FOXP1: variants seen among roughly 807,000 people sequenced by gnomAD.
FOXP1 encodes the protein forkhead box P1, also known as forkhead box protein P1.
Under a neutral mutation model 98.2 loss-of-function variants are expected in FOXP1, and 15 were observed. That is an observed-to-expected ratio of 0.15 (90% CI 0.10 to 0.24). FOXP1 has a LOEUF of 0.24. FOXP1 is among the 10% of genes least tolerant of loss of function. The probability of loss-of-function intolerance (pLI) is 1.00; values close to 1 mark genes in which losing one functional copy is unlikely to be tolerated. For missense variants in FOXP1, 633 were observed against 848.5 expected, an observed-to-expected ratio of 0.75 and a Z score of 3.15; for synonymous variants, 371 against 314.5, an observed-to-expected ratio of 1.18 and a Z score of -1.90.
At chr3:71,278,057 G>A (rs2071100367) in intron 5 of FOXP1, among the ~76,000 whole-genome samples, 1 of 152,164 alleles carries the variant, frequency 6.6e-6, no homozygotes, top group African/African-American at 2.4e-5. Context: ...AACACACACA[G>A]GAAGGATGTG....
intron 5 of FOXP1, among the ~76,000 whole-genome samples, chr3:71,246,748 G>A (rs1340388128): frequency 6.6e-6 from 1 of 152,138 alleles, no homozygotes; most frequent in Non-Finnish European, 1.5e-5. Flanking sequence ...TCAAAGATAT[G>A]ATGGCCAGTT....
At chr3:70,959,963 A>AT (rs1449503464) in intron 20 of FOXP1, among the ~76,000 whole-genome samples, 1 of 152,180 alleles carries the variant, frequency 6.6e-6, no homozygotes, top group Non-Finnish European at 1.5e-5. Context: ...ATTACACGAA[A>AT]TAAGAATCTG....
At chr3:71,338,166 T>C (rs1002702256) in intron 4 of FOXP1, among the ~76,000 whole-genome samples, 3 of 152,120 alleles carry the variant, frequency 2.0e-5, no homozygotes, top group African/African-American at 7.2e-5. Flanking sequence ...TTCACACAGA[T>C]CAAAGTGAGA....
chr3:71,467,284 T>G (rs2088870757), intron 3 of FOXP1, among the ~76,000 whole-genome samples: 1 of 152,188 alleles, frequency 6.6e-6, no homozygotes. Flanking sequence ...GATGATAAAT[T>G]TCTTCCTTCT....
intron 13 of FOXP1, among the ~76,000 whole-genome samples, chr3:70,995,154 T>C (rs1431971973): frequency 1.3e-5 from 2 of 152,178 alleles, no homozygotes; most frequent in African/African-American, 4.8e-5. Flanking sequence ...GAAGAGTTCA[T>C]ATGAATGTCC....
At chr3:71,443,708 A>T (rs190640818) in intron 3 of FOXP1, among the ~76,000 whole-genome samples, 1 of 152,304 alleles carries the variant, frequency 6.6e-6, no homozygotes, top group Admixed American at 6.5e-5. Flanking sequence ...GATTTCTGAA[A>T]CTAAAGAAGG....
At chr3:71,451,131 A>G (rs2086911529) in intron 3 of FOXP1, among the ~76,000 whole-genome samples, 2 of 152,162 alleles carry the variant, frequency 1.3e-5, no homozygotes, top group South Asian at 4.1e-4. Context: ...TTACAGTTCA[A>G]TGAGTGGAGT....
chr3:71,506,935 G>C lies in FOXP1; in HGVS notation c.-297-13380C>G, dbSNP rs182289651. On this transcript the variant is annotated intron_variant, in intron 2 of 20. Transcript: ENST00000649528. ...AGTCCCTACCTCCAAGCATTGCTGA[G>C]ATTAAATTATCCAATTGGAGAGCAC... Among the ~76,000 whole-genome samples the C allele has an allele frequency of 1.7e-3, 257 of 152,304 alleles. 8 individuals carry two copies. The highest frequency in any genetic ancestry group is 0.014 in the Admixed American group (212 of 15,300).
Position 70,956,732 on chromosome 3 carries a change from G to GTTTTTTTTTTTT in FOXP1, c.*2503_*2514dup, listed in dbSNP as rs142956636. On this transcript the variant is annotated 3_prime_UTR_variant, in exon 21 of 21. Transcript: ENST00000649528. ...GCACATCATGAAGCTGCCTGGAAAAGTTTTTTTTTTTTTTTTTTTTTTTTT... is the reference window on the plus strand; with the variant it reads ...GCACATCATGAAGCTGCCTGGAAAAGTTTTTTTTTTTTTTTTTTTTTTTTTTTTTTTTTTTTT... 6 of 32,812 alleles carry GTTTTTTTTTTTT rather than the reference G, an allele frequency of 1.8e-4. 1 individual carries two copies. Among genetic ancestry groups the GTTTTTTTTTTTT allele is most frequent in the Non-Finnish European group, 3.0e-4 (5 of 16,446 alleles). 2.0% of individuals were successfully genotyped at this position (32,812 alleles called of 1,614,324 possible).
chr3:71,494,112 C>T (rs1354037085), intron 2 of FOXP1, among the ~76,000 whole-genome samples: 3 of 152,078 alleles, frequency 2.0e-5, no homozygotes, highest in Non-Finnish European at 4.4e-5. Flanking sequence ...GGAGATGTTT[C>T]CATCAAGAAA....
At chr3:71,406,740 G>A (rs745863653) in intron 3 of FOXP1, among the ~76,000 whole-genome samples, 30 of 152,028 alleles carry the variant, frequency 2.0e-4, no homozygotes, top group Non-Finnish European at 4.1e-4. Context: ...GAGCTCTTTG[G>A]GTTGTGTTAT....
At chr3:71,078,337 A>T (rs2054040472) in intron 7 of FOXP1, among the ~76,000 whole-genome samples, 1 of 152,206 alleles carries the variant, frequency 6.6e-6, no homozygotes, top group South Asian at 2.1e-4. Context: ...TCTTTTGATG[A>T]CAATTTTATG....
chr3:71,301,858 C>T (rs926650327), intron 4 of FOXP1, among the ~76,000 whole-genome samples: 2 of 152,118 alleles, frequency 1.3e-5, no homozygotes, highest in Admixed American at 6.5e-5. Context: ...TAAGTGAACA[C>T]AGAACAAAAA....
At chr3:71,239,421 G>A (rs9827780) in intron 5 of FOXP1, among the ~76,000 whole-genome samples, 3,239 of 152,098 alleles carry the variant, frequency 0.021, 118 homozygotes, top group African/African-American at 0.073. Context: ...GCACGTGCCC[G>A]TAATCCCAGC....
In FOXP1 at chr3:71,563,565, C is replaced by T. The variant is rs2046695972; in HGVS notation, c.-298+17984G>A. On this transcript the variant is annotated intron_variant, in intron 2 of 20. Coordinates refer to ENST00000649528, the MANE Select transcript of FOXP1 (RefSeq NM_001349338.3). ...CCACCGGGCTGTGAGAATATTTAAA[C>T]ATTTGGAAAACTTTGTATTGTAGCC... 2.0e-5 allele frequency among the ~76,000 whole-genome samples: 3 copies of T among 152,290 alleles called. No individual in the cohort carries two copies. In the East Asian group the frequency reaches 5.8e-4, roughly 29 times the overall value.
chr3:71,468,991 T>C (rs2089060186), intron 3 of FOXP1, among the ~76,000 whole-genome samples: 1 of 152,204 alleles, frequency 6.6e-6, no homozygotes, highest in African/African-American at 2.4e-5. Flanking sequence ...GCCTGTCGAA[T>C]ACTTCCAACT....
chr3:71,010,568 TA>T (rs1340989586), intron 12 of FOXP1, among the ~76,000 whole-genome samples: 1 of 152,024 alleles, frequency 6.6e-6, no homozygotes, highest in Non-Finnish European at 1.5e-5. Flanking sequence ...TAGGTGAAAA[TA>T]ATCTATGAAG....
intron 3 of FOXP1, among the ~76,000 whole-genome samples, chr3:71,458,806 T>C (rs1280428955): frequency 6.6e-6 from 1 of 152,222 alleles, no homozygotes; most frequent in Non-Finnish European, 1.5e-5. Context: ...TTTGACACTA[T>C]AATGAAAAGA....
rs1053833353 is a variant in FOXP1, at chr3:71,400,032, T to G, written c.-167-40788A>C. 2.0e-5 allele frequency among the ~76,000 whole-genome samples: 3 copies of G among 152,158 alleles called. No individual in the cohort carries two copies. In the South Asian group the frequency reaches 6.2e-4, roughly 32 times the overall value. ...ATCTAATTAATGCAGTGTTAATAAT[T>G]ATGACCATTATTTCCAGATACATAA... On this transcript the variant is annotated intron_variant, in intron 3 of 20. Coordinates refer to ENST00000649528, the MANE Select transcript of FOXP1 (RefSeq NM_001349338.3).
Sources: allele counts gnomAD v4.1 joint callset (sites outside exome capture counted in the v4.1 genomes callset), GRCh38; gene constraint gnomAD v4.1.1; transcripts MANE v1.5; gene names NCBI Gene and HGNC (gene_info 2026-07-23, HGNC 2026-07-21).